TCF3: variants seen among roughly 807,000 people sequenced by gnomAD.
TCF3 encodes the protein transcription factor E2-alpha.
Under a neutral mutation model 72.3 loss-of-function variants are expected in TCF3, and 54 were observed. The observed-to-expected ratio is 0.75, with a 90% CI of 0.60 to 0.94. The LOEUF (loss-of-function observed/expected upper bound fraction) is 0.94. Among genes scored for constraint, TCF3 ranks in the 40% least tolerant of loss-of-function variants. TCF3 has a pLI of 0.00. For missense variants in TCF3, 1,078 were observed against 934.4 expected (o/e 1.15, Z -2.00); for synonymous variants, 525 against 412.6 (o/e 1.27, Z -3.30).
chr19:1,625,545 G>T, intron 7 of TCF3, 31 bp downstream of exon 7: 1 of 1,533,558 alleles, frequency 6.5e-7, no homozygotes, highest in African/African-American at 1.4e-5. Flanking sequence ...CCTCCCAGAA[G>T]CCCCCGATGC....
intron 3 of TCF3, among the ~76,000 whole-genome samples, chr19:1,636,811 C>G (rs1410606873): frequency 6.6e-6 from 1 of 152,204 alleles, no homozygotes; most frequent in East Asian, 1.9e-4. Context: ...GGGGGGCTGA[C>G]GAGATCCCGC....
intron 13 of TCF3, 91 bp from the exon 14 acceptor site, chr19:1,619,944 C>G: frequency 8.8e-7 from 1 of 1,138,572 alleles, no homozygotes; most frequent in South Asian, 1.4e-5. Context: ...AACCACCCCG[C>G]CTGTCCAGCC....
intron 3 of TCF3, 73 bp downstream of exon 3, chr19:1,646,282 C>T (rs1207073368): frequency 6.2e-6 from 9 of 1,460,098 alleles, no homozygotes; most frequent in East Asian, 2.5e-5. Flanking sequence ...CAGCCTCCCT[C>T]GCCCGCACAC....
chr19:1,610,786 G>A lies in TCF3; in HGVS notation c.*921C>T, dbSNP rs946661452. The A allele has an allele frequency of 6.9e-5, 16 of 232,104 alleles. 1 individual carries two copies. Among genetic ancestry groups the A allele is most frequent in the African/African-American group, 1.5e-4 (7 of 45,318 alleles). 14.4% of individuals were successfully genotyped at this position (232,104 alleles called of 1,614,324 possible). ...TCCCCTTCCTGAGGGGAGAGGATGC[G>A]GCAGGGAAGCCCCAAGGTGCCTTCA... On this transcript the variant is annotated 3_prime_UTR_variant, in exon 19 of 19. Transcript: ENST00000262965.
At chr19:1,637,652 G>A (rs2064627768) in intron 3 of TCF3, among the ~76,000 whole-genome samples, 1 of 152,226 alleles carries the variant, frequency 6.6e-6, no homozygotes, top group Non-Finnish European at 1.5e-5. Context: ...GCTCACGCCT[G>A]TAATCCCAGC....
At chr19:1,647,090 G>C (rs530461350) in intron 2 of TCF3, among the ~76,000 whole-genome samples, 1 of 152,316 alleles carries the variant, frequency 6.6e-6, no homozygotes, top group South Asian at 2.1e-4. Flanking sequence ...AAGCTGGAGG[G>C]GCTGGGGAGA....
intron 5 of TCF3, 75 bp downstream of exon 5, chr19:1,631,963 G>T: frequency 6.4e-7 from 1 of 1,566,546 alleles, no homozygotes; most frequent in East Asian, 2.4e-5. Context: ...GGCGCTGTGC[G>T]TGCACTGACC....
At chr19:1,636,201 C>G (rs1343323712) in intron 3 of TCF3, among the ~76,000 whole-genome samples, 2 of 152,076 alleles carry the variant, frequency 1.3e-5, no homozygotes, top group Non-Finnish European at 2.9e-5. Flanking sequence ...GTCTTGTTGC[C>G]CAGGCTGGAG....
Position 1,615,875 on chromosome 19 carries a change from T to G in TCF3, c.1451-54A>C. ...CGTCGGCCTCCAGGGCCAACTGACA[T>G]ATCTCTTTGTGCTCCTGTGGTGAGG... On this transcript the variant is annotated intron_variant, in intron 16 of 18. Coordinates refer to ENST00000262965, the MANE Select transcript of TCF3 (RefSeq NM_003200.5). This position sits in a 1 kb window ranked among gnomAD's most constrained non-coding sequence, Gnocchi z 7.3. The G allele has an allele frequency of 6.7e-7, 1 of 1,494,586 alleles. No homozygotes were observed. Among genetic ancestry groups the G allele is most frequent in the Non-Finnish European group, 8.9e-7 (1 of 1,123,922 alleles). The allele number at this position is 1,494,586 out of a possible 1,614,324, so 92.6% of individuals were successfully genotyped here.
chr19:1,611,467 G>C lies in TCF3; in HGVS notation c.*240C>G, dbSNP rs1210287858. On this transcript the variant is annotated 3_prime_UTR_variant, in exon 19 of 19. Coordinates refer to ENST00000262965, the MANE Select transcript of TCF3 (RefSeq NM_003200.5). Reference sequence around the variant, plus strand: ...GGTCACAGAGTGACACGGTGGCTGAGATTCGGGGACAGGGGGAGCGAGGCC... The same window carrying C: ...GGTCACAGAGTGACACGGTGGCTGACATTCGGGGACAGGGGGAGCGAGGCC... The C allele has an allele frequency of 8.1e-6, 4 of 495,810 alleles. No individual in the cohort carries two copies. In the East Asian group the frequency reaches 1.3e-4, roughly 16 times the overall value. The allele number at this position is 495,810 out of a possible 1,614,324, so 30.7% of individuals were successfully genotyped here.
At chr19:1,618,615 C>A (rs1305217038) in intron 16 of TCF3, among the ~76,000 whole-genome samples, 1 of 152,070 alleles carries the variant, frequency 6.6e-6, no homozygotes, top group Non-Finnish European at 1.5e-5. Flanking sequence ...TGGGCTGCGC[C>A]CTCTGCCTGA....
At chr19:1,625,516 T>C in intron 7 of TCF3, 60 bp downstream of exon 7, 1 of 1,488,062 alleles carries the variant, frequency 6.7e-7, no homozygotes, top group Non-Finnish European at 8.9e-7. Context: ...GGAAGCCTCC[T>C]ACCTCCCTTT....
Position 1,611,783 on chromosome 19 carries a change from A to G in TCF3, c.1889T>C (p.Val630Ala). The G allele has an allele frequency of 6.2e-7, 1 of 1,613,576 alleles. No homozygotes were observed. Among genetic ancestry groups the G allele is most frequent in the Non-Finnish European group, 8.5e-7 (1 of 1,179,900 alleles). ...TGAAAGCACCATCTGGGGGTCTCCA[A>G]CCACACCTGACACCTTTTCCTCTTC... Reference protein sequence around the residue: ...RREEEKVSGVVGDPQMVLSAP... With the variant: ...RREEEKVSGVAGDPQMVLSAP... Residue 630 changes from valine (V) to alanine (A), a missense_variant, in exon 19 of 19, where the codon GTT (valine) becomes GCT (alanine). Physicochemically the swap from Val to Ala is moderately conservative, Grantham distance 64 (BLOSUM62 0). Coordinates refer to ENST00000262965, the MANE Select transcript of TCF3 (RefSeq NM_003200.5).
chr19:1,609,603 G>A lies in TCF3; in HGVS notation c.*2104C>T, dbSNP rs1213435505. ...TGGGGCCACTGCCCACCCAGACCTA[G>A]GGGCAGGGCCAGGAGCAAAACAAGA... On this transcript the variant is annotated 3_prime_UTR_variant, in exon 19 of 19. Transcript: ENST00000262965. The A allele has an allele frequency of 4.5e-6, 1 of 220,774 alleles. No individual in the cohort carries two copies. The highest frequency in any genetic ancestry group is 9.1e-6 in the Non-Finnish European group (1 of 110,480). The allele number at this position is 220,774 out of a possible 1,614,324, so 13.7% of individuals were successfully genotyped here.
chr19:1,631,873 G>A, intron 5 of TCF3, 165 bp downstream of exon 5: 1 of 1,512,784 alleles, frequency 6.6e-7, no homozygotes, highest in Non-Finnish European at 8.9e-7. Flanking sequence ...CACGTCCCCT[G>A]CACCTCCCCG....
intron 1 of TCF3, among the ~76,000 whole-genome samples, 179 bp downstream of exon 1, chr19:1,652,121 C>G (rs1488703325): frequency 1.3e-5 from 2 of 150,356 alleles, no homozygotes; most frequent in East Asian, 2.0e-4. Flanking sequence ...CGCCGCCCCC[C>G]CGGCGCCGCG....
intron 16 of TCF3, among the ~76,000 whole-genome samples, chr19:1,617,764 T>C (rs2061701782): frequency 1.3e-5 from 2 of 152,190 alleles, no homozygotes; most frequent in Admixed American, 1.3e-4. Context: ...TGGAAACTGC[T>C]GACCTGTGGG....
At chr19:1,636,589 C>T (rs1390224497) in intron 3 of TCF3, among the ~76,000 whole-genome samples, 1 of 152,318 alleles carries the variant, frequency 6.6e-6, no homozygotes, top group East Asian at 1.9e-4. Context: ...CGTGCACAGC[C>T]TCCATTTTAT....
chr19:1,648,524 G>T (rs1326034770), intron 2 of TCF3, among the ~76,000 whole-genome samples: 1 of 152,200 alleles, frequency 6.6e-6, no homozygotes, highest in Admixed American at 6.5e-5. Context: ...TTCCAGCCCA[G>T]CGGTCTGTGA....
Sources: gnomAD v4.1 joint callset for allele counts (sites outside exome capture counted in the v4.1 genomes callset) on GRCh38, gnomAD v4.1.1 for gene constraint, Gnocchi (gnomAD v3.1) non-coding constraint, MANE v1.5 for transcripts, NCBI Gene and HGNC (gene_info 2026-07-23, HGNC 2026-07-21) for gene names.